Variants in CATSPERE observed in about 807,000 individuals in gnomAD.
CATSPERE encodes cation channel sperm-associated auxiliary subunit epsilon.
A neutral mutation model predicts 114.1 loss-of-function variants in CATSPERE; 93 were observed. The ratio of observed to expected loss-of-function variants is 0.81; its 90% CI spans 0.69 to 0.97. The LOEUF (loss-of-function observed/expected upper bound fraction) is 0.97, where lower values mean the gene tolerates loss of function less well. Among genes scored for constraint, CATSPERE ranks in the 50% least tolerant of loss-of-function variants. CATSPERE has a pLI of 0.00. For missense variants in CATSPERE, 1,058 were observed against 1,131.6 expected (o/e 0.93, Z 0.93); for synonymous variants, 341 against 384.1 (o/e 0.89, Z 1.31).
At chr1:244,485,778 C>G (rs1670914564) in intron 5 of CATSPERE, among the ~76,000 whole-genome samples, 1 of 150,474 alleles carries the variant, frequency 6.6e-6, no homozygotes, top group South Asian at 2.1e-4. Flanking sequence ...GCTCACGTAA[C>G]CTCAAACTCT....
At chr1:244,518,830 T>A in intron 8 of CATSPERE, 132 bp downstream of exon 8, 3 of 523,938 alleles carry the variant, frequency 5.7e-6, no homozygotes, top group South Asian at 3.3e-5. Flanking sequence ...ACATAAAAAA[T>A]TTGATAATCA....
intron 2 of CATSPERE, among the ~76,000 whole-genome samples, chr1:244,464,177 CT>C (rs1203341183): frequency 6.6e-6 from 1 of 152,154 alleles, no homozygotes; most frequent in Non-Finnish European, 1.5e-5. Flanking sequence ...TCGTGATTCA[CT>C]GTTCACAATG....
intron 2 of CATSPERE, among the ~76,000 whole-genome samples, chr1:244,464,265 A>C (rs1667247646): frequency 6.6e-6 from 1 of 152,254 alleles, no homozygotes; most frequent in Non-Finnish European, 1.5e-5. Flanking sequence ...ATTAATAATT[A>C]TACAACAGGT....
intron 8 of CATSPERE, among the ~76,000 whole-genome samples, chr1:244,538,280 A>G (rs904998872): frequency 6.6e-6 from 1 of 152,338 alleles, no homozygotes; most frequent in Admixed American, 6.5e-5. Context: ...CTCTCCCAGA[A>G]TCTTACCAAA....
In CATSPERE at chr1:244,570,347, T is replaced by C. The variant is rs186141291; in HGVS notation, c.1508-1983T>C. On this transcript the variant is annotated intron_variant, in intron 10 of 21. Coordinates refer to ENST00000366534, the MANE Select transcript of CATSPERE (RefSeq NM_001130957.2). Reference sequence around the variant, plus strand: ...TGGCTTGCAAGAGATTGTGTTTTTTTAGGTTTTGTTTTCTTTTCCTTTTAA... The same window carrying C: ...TGGCTTGCAAGAGATTGTGTTTTTTCAGGTTTTGTTTTCTTTTCCTTTTAA... 7.7e-3 allele frequency among the ~76,000 whole-genome samples: 1,171 copies of C among 152,274 alleles called. 30 individuals carry two copies. Among genetic ancestry groups the C allele is most frequent in the South Asian group, 9.9e-3 (48 of 4,828 alleles).
intron 17 of CATSPERE, among the ~76,000 whole-genome samples, chr1:244,601,994 G>T (rs1001154557): frequency 1.3e-5 from 2 of 151,556 alleles, no homozygotes; most frequent in Non-Finnish European, 1.5e-5. Context: ...AAGGGAAGGA[G>T]AAGAAGGGGA....
chr1:244,557,630 T>G (rs1661859087), intron 9 of CATSPERE, among the ~76,000 whole-genome samples: 1 of 137,950 alleles, frequency 7.2e-6, no homozygotes, highest in Non-Finnish European at 1.6e-5. Context: ...TTCAGCAGTT[T>G]TACTATGTGC....
chr1:244,503,916 A>G (rs977463103), intron 7 of CATSPERE, among the ~76,000 whole-genome samples: 9 of 152,202 alleles, frequency 5.9e-5, no homozygotes, highest in Admixed American at 5.2e-4. Flanking sequence ...AGTTACTCAT[A>G]TCAGTTATTT....
intron 7 of CATSPERE, among the ~76,000 whole-genome samples, chr1:244,500,324 G>C (rs1004495007): frequency 1.6e-4 from 24 of 152,022 alleles, no homozygotes; most frequent in African/African-American, 5.3e-4. Flanking sequence ...AGTTTCTTTT[G>C]CTCCGCAGAA....
intron 13 of CATSPERE, among the ~76,000 whole-genome samples, chr1:244,586,302 A>AT (rs1224566227): frequency 6.6e-6 from 1 of 152,122 alleles, no homozygotes; most frequent in Non-Finnish European, 1.5e-5. Context: ...GCTTGGGGTG[A>AT]TTTTTTTCAA....
At chr1:244,473,680 A>AC (rs879513194) in intron 2 of CATSPERE, among the ~76,000 whole-genome samples, 1 of 151,930 alleles carries the variant, frequency 6.6e-6, no homozygotes, top group Non-Finnish European at 1.5e-5. Context: ...TTGTTGGCAA[A>AC]CCCAAAGTCA....
At chr1:244,500,932 T>TTG (rs1673943417) in intron 7 of CATSPERE, among the ~76,000 whole-genome samples, 1 of 152,186 alleles carries the variant, frequency 6.6e-6, no homozygotes, top group South Asian at 2.1e-4. Flanking sequence ...AAATTACTGC[T>TTG]GGCAGTATGG....
chr1:244,490,200 G>T (rs759967185), intron 5 of CATSPERE, among the ~76,000 whole-genome samples: 21 of 152,066 alleles, frequency 1.4e-4, no homozygotes, highest in Admixed American at 5.2e-4. Context: ...TGATGTTATT[G>T]AGGCAGGAAG....
Position 244,635,560 on chromosome 1 carries a change from A to C in CATSPERE, c.2702+18A>C, listed in dbSNP as rs200071535. On this transcript the variant is annotated intron_variant, in intron 21 of 21. Coordinates refer to ENST00000366534, the MANE Select transcript of CATSPERE (RefSeq NM_001130957.2). ...ATTCCCAGGTAAGGAGCAGGGCCTA[A>C]CTGGACTTTAATTAGGGAATTTCTA... 1.6e-4 allele frequency: 252 copies of C among 1,593,976 alleles called. No homozygotes were observed. The African/African-American group carries it at 3.0e-3, about 19-fold the overall frequency.
In CATSPERE at chr1:244,473,209, G is replaced by A. The variant is rs539338378; in HGVS notation, c.115-4332G>A. 3.9e-4 allele frequency among the ~76,000 whole-genome samples: 59 copies of A among 152,250 alleles called. 2 individuals are homozygous for A. The highest frequency in any genetic ancestry group is 2.3e-3 in the South Asian group (11 of 4,824). On this transcript the variant is annotated intron_variant, in intron 2 of 21. Transcript: ENST00000366534. ...AACTGTCCTCCAAGATGGCTGTACC[G>A]TTCTACATTGTCACCAGCAATGAAT...
chr1:244,583,612 G>A (rs6429485), intron 12 of CATSPERE, among the ~76,000 whole-genome samples: 9,090 of 152,082 alleles, frequency 0.06, 902 homozygotes, highest in African/African-American at 0.21. Flanking sequence ...GCTTCCCATC[G>A]CATTAACCCT....
intron 17 of CATSPERE, among the ~76,000 whole-genome samples, chr1:244,596,794 A>G (rs1431096227): frequency 6.7e-6 from 1 of 148,628 alleles, no homozygotes. Flanking sequence ...AAAAAAAAAG[A>G]AAATGAGTGA....
chr1:244,454,842 A>G (rs1665986413), intron 1 of CATSPERE, among the ~76,000 whole-genome samples: 1 of 152,130 alleles, frequency 6.6e-6, no homozygotes, highest in South Asian at 2.1e-4. Context: ...GACCCCTATA[A>G]GCCTGCTTTT....
intron 7 of CATSPERE, among the ~76,000 whole-genome samples, chr1:244,508,891 C>T (rs965450230): frequency 6.7e-6 from 1 of 149,444 alleles, no homozygotes; most frequent in Non-Finnish European, 1.5e-5. Context: ...GTGCCAGCTA[C>T]GTGGGAGGCT....
Sources: gnomAD v4.1 joint callset for allele counts (sites outside exome capture counted in the v4.1 genomes callset) on GRCh38, gnomAD v4.1.1 for gene constraint, MANE v1.5 for transcripts, NCBI Gene and HGNC (gene_info 2026-07-23, HGNC 2026-07-21) for gene names.